The following PEX2 variants were observed in gnomAD, a reference collection of about 807,000 sequenced individuals.
The protein encoded by PEX2 is peroxisome biogenesis factor 2.
In PEX2, 19 loss-of-function variants were observed where a neutral mutation model predicts 25.2. That is an observed-to-expected ratio of 0.75 (90% CI 0.53 to 1.10). The LOEUF (loss-of-function observed/expected upper bound fraction) is 1.10, where lower values mean the gene tolerates loss of function less well. Ranked by LOEUF, PEX2 falls within the 50% of genes least tolerant of loss-of-function variation. The pLI, the probability that PEX2 is intolerant of heterozygous loss-of-function variation, is 0.00. For missense variants in PEX2, 347 were observed against 350.6 expected, an observed-to-expected ratio of 0.99 and a Z score of 0.08; for synonymous variants, 141 against 127.7, an observed-to-expected ratio of 1.10 and a Z score of -0.70.
At chr8:76,998,622 T>C (rs1017135037) in intron 1 of PEX2, among the ~76,000 whole-genome samples, 8 of 152,194 alleles carry the variant, frequency 5.3e-5, no homozygotes, top group Admixed American at 2.0e-4. Flanking sequence ...AGGCAGATCA[T>C]CTCGTTTAAG....
chr8:76,999,834 A>G (rs1248125400), intron 1 of PEX2, 156 bp downstream of exon 1: 3 of 456,520 alleles, frequency 6.6e-6, no homozygotes, highest in Non-Finnish European at 1.3e-5. Context: ...CCCAAAATTC[A>G]GCAGCTTTGA....
intron 1 of PEX2, among the ~76,000 whole-genome samples, chr8:76,997,093 A>T (rs1387104287): frequency 6.6e-6 from 1 of 152,224 alleles, no homozygotes; most frequent in Non-Finnish European, 1.5e-5. Context: ...GTAGATGGGG[A>T]AAGAAATTAA....
chr8:76,991,438 C>A (rs888631666), intron 1 of PEX2, among the ~76,000 whole-genome samples: 1 of 152,174 alleles, frequency 6.6e-6, no homozygotes, highest in Admixed American at 6.5e-5. Flanking sequence ...CTCCTCCCTA[C>A]GTAAGACTCT....
chr8:76,983,547 A>G lies in PEX2; in HGVS notation c.632T>C (p.Ile211Thr), dbSNP rs372938413. The change falls in exon 4 of 4, where the codon ATC becomes ACC. Residue 211 changes from isoleucine (I) to threonine (T), a missense_variant. Physicochemically the swap from Ile to Thr is moderately conservative, Grantham distance 89 (BLOSUM62 -1). Coordinates refer to ENST00000357039, the MANE Select transcript of PEX2 (RefSeq NM_000318.3). ...CTTGGCTTTCAACTTCTGGACATTG[A>G]TAAGTGGTAAGAGAAAAATCAGAAA... The part of the protein sequence containing the change: ...AEFLIFLLPL[I>T]NVQKLKAKLS... 4.0e-5 allele frequency: 65 copies of G among 1,613,968 alleles called. No homozygotes were observed. The highest frequency in any genetic ancestry group is 5.0e-5 in the Non-Finnish European group (59 of 1,180,046).
Position 76,981,652 on chromosome 8 carries a change from T to C in PEX2, c.*1609A>G, listed in dbSNP as rs1303748041. On this transcript the variant is annotated 3_prime_UTR_variant, in exon 4 of 4. Coordinates refer to ENST00000357039, the MANE Select transcript of PEX2 (RefSeq NM_000318.3). Reference sequence around the variant, plus strand: ...ACATAGGAAAAAATGCTATTTTTTATGCATTATAATAATTTTGTAAATAAG... The same window carrying C: ...ACATAGGAAAAAATGCTATTTTTTACGCATTATAATAATTTTGTAAATAAG... 6.6e-6 allele frequency: 1 copy of C among 152,198 alleles called. No homozygotes were observed. The highest frequency in any genetic ancestry group is 1.9e-4 in the East Asian group (1 of 5,198). 9.4% of individuals were successfully genotyped at this position (152,198 alleles called of 1,614,324 possible). A position where few individuals can be genotyped will look rare whatever the true frequency, so the allele number is the denominator to read the frequency against.
At chr8:76,987,120 G>A (rs1807027077) in intron 2 of PEX2, among the ~76,000 whole-genome samples, 1 of 152,142 alleles carries the variant, frequency 6.6e-6, no homozygotes. Context: ...GTTAATATGA[G>A]AGCTAGTGAT....
chr8:76,988,854 CA>C, intron 1 of PEX2, among the ~76,000 whole-genome samples: 1 of 152,142 alleles, frequency 6.6e-6, no homozygotes, highest in Middle Eastern at 3.4e-3. Flanking sequence ...AGCATTTCCC[CA>C]GGTATAAACT....
chr8:76,981,657 TATA>T lies in PEX2; in HGVS notation c.*1601_*1603del, dbSNP rs1355406878. ...GGAAAAAATGCTATTTTTTATGCAT[TATA>T]ATAATTTTGTAAATAAGAAATGTAC... On this transcript the variant is annotated 3_prime_UTR_variant, in exon 4 of 4. Coordinates refer to ENST00000357039, the MANE Select transcript of PEX2 (RefSeq NM_000318.3). 3 of 152,164 alleles carry T rather than the reference TATA, an allele frequency of 2.0e-5. No individual in the cohort carries two copies. Among genetic ancestry groups the T allele is most frequent in the Non-Finnish European group, 4.4e-5 (3 of 68,020 alleles). The allele number at this position is 152,164 out of a possible 1,614,324, so 9.4% of individuals were successfully genotyped here. A position where few individuals can be genotyped will look rare whatever the true frequency, so the allele number is the denominator to read the frequency against.
At chr8:76,995,157 T>A (rs1807285179) in intron 1 of PEX2, among the ~76,000 whole-genome samples, 1 of 152,230 alleles carries the variant, frequency 6.6e-6, no homozygotes, top group Non-Finnish European at 1.5e-5. Context: ...CTAAGTGCCT[T>A]GTCACTACTT....
At chr8:76,999,962 A>G (rs1232260186) in intron 1 of PEX2, 28 bp downstream of exon 1, 3 of 456,588 alleles carry the variant, frequency 6.6e-6, no homozygotes, top group South Asian at 4.6e-5. Context: ...TCGGGTTTGC[A>G]CTCCGGCTCT....
Position 76,983,614 on chromosome 8 carries a change from CAAAGCCAACTTCACAT to C in PEX2, c.549_564del (p.Ile183MetfsTer4). On this transcript the variant is annotated frameshift_variant, in exon 4 of 4. Coordinates refer to ENST00000357039, the MANE Select transcript of PEX2 (RefSeq NM_000318.3). LOFTEE classifies it high-confidence loss of function. Reference sequence around the variant, plus strand: ...CAGAGAAGTTCCCTATTCATGTATTCAAAGCCAACTTCACATATGTTTTGAGGCTTGCAAAATACAG... The same window carrying C: ...CAGAGAAGTTCCCTATTCATGTATTCATGTTTTGAGGCTTGCAAAATACAG... 1 of 1,614,066 alleles carries C rather than the reference CAAAGCCAACTTCACAT, an allele frequency of 6.2e-7. No homozygotes were observed. Among genetic ancestry groups the C allele is most frequent in the Non-Finnish European group, 8.5e-7 (1 of 1,179,952 alleles).
chr8:76,990,902 G>A (rs1291047077), intron 1 of PEX2, among the ~76,000 whole-genome samples: 4 of 83,310 alleles, frequency 4.8e-5, no homozygotes, highest in African/African-American at 8.6e-5. Flanking sequence ...AAATTGTGCA[G>A]ATAAACTTGA....
At chr8:76,991,952 A>G (rs1807182335) in intron 1 of PEX2, among the ~76,000 whole-genome samples, 1 of 152,218 alleles carries the variant, frequency 6.6e-6, no homozygotes, top group Non-Finnish European at 1.5e-5. Flanking sequence ...GGCAAATCTC[A>G]TTTCGAAAGA....
At chr8:76,998,830 A>G (rs1043431770) in intron 1 of PEX2, among the ~76,000 whole-genome samples, 1 of 152,304 alleles carries the variant, frequency 6.6e-6, no homozygotes, top group Admixed American at 6.5e-5. Flanking sequence ...AAAAATAAGG[A>G]GAATACGGCC....
rs1266603500 is a variant in PEX2, at chr8:76,983,628, C to T, written c.551G>A (p.Cys184Tyr). ...ATTCATGTATTCAAAGCCAACTTCACATATGTTTTGAGGCTTGCAAAATAC... is the reference window on the plus strand; with the variant it reads ...ATTCATGTATTCAAAGCCAACTTCATATATGTTTTGAGGCTTGCAAAATAC... ...HSVFCKPQNI[C>Y]EVGFEYMNRE... Residue 184 changes from cysteine (C) to tyrosine (Y), a missense_variant, in exon 4 of 4, where the codon TGT (cysteine) becomes TAT (tyrosine). By Grantham distance (194) the Cys-to-Tyr change is radical (BLOSUM62 -2). Coordinates refer to ENST00000357039, the MANE Select transcript of PEX2 (RefSeq NM_000318.3). 2.7e-5 allele frequency: 43 copies of T among 1,613,782 alleles called. No individual in the cohort carries two copies. In the Admixed American group the frequency reaches 2.8e-4, roughly 11 times the overall value.
At chr8:76,999,521 T>A (rs1461740113) in intron 1 of PEX2, among the ~76,000 whole-genome samples, 2 of 152,200 alleles carry the variant, frequency 1.3e-5, no homozygotes, top group African/African-American at 4.8e-5. Context: ...AAAACCAAAC[T>A]GCATTTACGT....
intron 2 of PEX2, chr8:76,988,053 G>T (rs1205147579): frequency 6.6e-6 from 1 of 152,110 alleles, no homozygotes; most frequent in Non-Finnish European, 1.5e-5. Flanking sequence ...AATCAAGAAG[G>T]CAGTGATTTA....
In PEX2 at chr8:76,983,857, C is replaced by G. The variant is rs148101729; in HGVS notation, c.322G>C (p.Val108Leu). ...AACCACCTGCCACCAATTGTACAAA[C>G]AGCATACCAGATTTTTTGATTTTTA... The part of the protein sequence containing the change: ...PSKNQKIWYA[V>L]CTIGGRWLEE... The change falls in exon 4 of 4, where the codon GTT becomes CTT. Residue 108 changes from valine (V) to leucine (L), a missense_variant. By Grantham distance (32) the Val-to-Leu change is conservative. Transcript: ENST00000357039. 7.4e-5 allele frequency: 119 copies of G among 1,614,152 alleles called. No individual in the cohort carries two copies. In the Admixed American group the frequency reaches 1.0e-3, roughly 14 times the overall value.
Position 76,995,178 on chromosome 8 carries a change from CTCTT to C in PEX2, c.-160+4808_-160+4811del, listed in dbSNP as rs1325475291. Among the ~76,000 whole-genome samples, 6 of 152,346 alleles carry C rather than the reference CTCTT, an allele frequency of 3.9e-5. No homozygotes were observed. In the East Asian group the frequency reaches 1.2e-3, roughly 29 times the overall value. On this transcript the variant is annotated intron_variant, in intron 1 of 3. Coordinates refer to ENST00000357039, the MANE Select transcript of PEX2 (RefSeq NM_000318.3). ...GCCTTGTCACTACTTTCTCGTTCCT[CTCTT>C]TCACCATACATAAACTAAGTTTTAA...
Sources: allele counts gnomAD v4.1 joint callset (sites outside exome capture counted in the v4.1 genomes callset), GRCh38; gene constraint gnomAD v4.1.1; transcripts MANE v1.5; gene names NCBI Gene and HGNC (gene_info 2026-07-23, HGNC 2026-07-21).